ATP8B3: variants seen among roughly 807,000 people sequenced by gnomAD.
ATP8B3 encodes the protein ATPase phospholipid transporting 8B3, also known as phospholipid-transporting ATPase IK.
In ATP8B3, 141 loss-of-function variants were observed where a neutral mutation model predicts 140.9. The ratio of observed to expected loss-of-function variants is 1.00; its 90% CI spans 0.87 to 1.15. ATP8B3 has a LOEUF of 1.15. Ranked by LOEUF, ATP8B3 falls within the 50% of genes most tolerant of loss-of-function variation. The pLI, the probability that ATP8B3 is intolerant of heterozygous loss-of-function variation, is 0.00. For missense variants in ATP8B3, 1,874 were observed against 1,740.6 expected (o/e 1.08, Z -1.36); for synonymous variants, 765 against 714.6 (o/e 1.07, Z -1.13).
intron 4 of ATP8B3, among the ~76,000 whole-genome samples, chr19:1,809,380 C>G (rs2069120769): frequency 1.3e-5 from 2 of 150,714 alleles, no homozygotes; most frequent in Admixed American, 1.3e-4. Context: ...ACTTGGGAGG[C>G]TGAGGCAGGA....
At chr19:1,797,779 C>T (rs889469628) in intron 14 of ATP8B3, among the ~76,000 whole-genome samples, 5 of 151,484 alleles carry the variant, frequency 3.3e-5, no homozygotes, top group East Asian at 3.9e-4. Flanking sequence ...GGATTACAGG[C>T]GTAGCCACCG....
intron 24 of ATP8B3, 64 bp from the exon 25 acceptor site, chr19:1,787,250 G>A: frequency 7.1e-7 from 1 of 1,414,636 alleles, no homozygotes. Flanking sequence ...AGCCTGCCAA[G>A]CAGGCACCCA....
rs2145205951 is a variant in ATP8B3 at position 1,806,318 on chromosome 19, C to T, written c.678-149G>A. On this transcript the variant is annotated intron_variant, in intron 7 of 28. Transcript: ENST00000310127. This position sits in a 1 kb window ranked among gnomAD's most constrained non-coding sequence, Gnocchi z 5.6. ...CCTCAGGAAGCCTTCCCCGGGCTCC[C>T]ACCCCACTCCCCGCGGGTCCACGCT... 4.1e-6 allele frequency: 6 copies of T among 1,478,122 alleles called. No individual in the cohort carries two copies. The highest frequency in any genetic ancestry group is 1.4e-5 in the African/African-American group (1 of 71,692). 91.6% of individuals were successfully genotyped at this position (1,478,122 alleles called of 1,614,324 possible).
At chr19:1,793,961 C>T (rs1348443699) in intron 18 of ATP8B3, among the ~76,000 whole-genome samples, 1 of 152,028 alleles carries the variant, frequency 6.6e-6, no homozygotes, top group East Asian at 1.9e-4. Context: ...AGGCTGGCCT[C>T]GAACTCCTGA....
At chr19:1,809,850 G>T in intron 3 of ATP8B3, 116 bp from the exon 4 acceptor site, 1 of 888,176 alleles carries the variant, frequency 1.1e-6, no homozygotes, top group Non-Finnish European at 1.8e-6. Flanking sequence ...GGAGGCCCGA[G>T]ATGTCAGAGC....
In ATP8B3 at chr19:1,795,940, T is replaced by A. The variant is rs779283602; in HGVS notation, c.1990A>T (p.Thr664Ser). ...CTGTGCAAGCGTTCGAAGATGACCG[T>A]GTCGGCGCCCTTGGTGTACAGGCAG... ...AICLYTKGAD[T>S]VIFERLHRRG... Residue 664 changes from threonine (T) to serine (S), a missense_variant, in exon 18 of 29, where the codon ACG becomes TCG. Thr to Ser is a moderately conservative substitution (Grantham distance 58). Coordinates refer to ENST00000310127, the MANE Select transcript of ATP8B3 (RefSeq NM_138813.4). 1.1e-5 allele frequency: 17 copies of A among 1,613,150 alleles called. No homozygotes were observed. The South Asian group carries it at 1.9e-4, about 18-fold the overall frequency.
chr19:1,785,381 T>C, intron 26 of ATP8B3, 84 bp from the exon 27 acceptor site: 5 of 1,555,594 alleles, frequency 3.2e-6, no homozygotes, highest in South Asian at 1.2e-5. Context: ...GAAGGGCACC[T>C]GGCAATGCCC....
chr19:1,796,291 G>C (rs762998907), intron 16 of ATP8B3, 26 bp from the exon 17 acceptor site: 33 of 1,576,752 alleles, frequency 2.1e-5, no homozygotes, highest in Non-Finnish European at 2.8e-5. Flanking sequence ...GCCATTTTGG[G>C]GTCACGTGGT....
At chr19:1,784,392 G>A (rs918387592) in intron 28 of ATP8B3, among the ~76,000 whole-genome samples, 4 of 152,142 alleles carry the variant, frequency 2.6e-5, no homozygotes, top group Admixed American at 6.5e-5. Flanking sequence ...GTACATGCCC[G>A]TGGTCTCAGC....
rs759113512 is a variant in ATP8B3, at chr19:1,811,563, T to TG, written c.173dup (p.Gly59ArgfsTer6). On this transcript the variant is annotated frameshift_variant, in exon 2 of 29. Transcript: ENST00000310127. LOFTEE classifies it high-confidence loss of function. ...GCCTCCTCTCAGGTGCCCCTCTGCC[T>TG]GGGGAGTCTCCCATCCCAGCTCTGA... 1.2e-6 allele frequency: 2 copies of TG among 1,612,348 alleles called. No homozygotes were observed. The highest frequency in any genetic ancestry group is 1.3e-5 in the African/African-American group (1 of 75,046).
chr19:1,791,993 T>G lies in ATP8B3; in HGVS notation c.2190+8A>C. 7.3e-7 allele frequency: 1 copy of G among 1,376,118 alleles called. No homozygotes were observed. The highest frequency in any genetic ancestry group is 9.7e-7 in the Non-Finnish European group (1 of 1,027,054). 85.2% of individuals were successfully genotyped at this position (1,376,118 alleles called of 1,614,324 possible). A position where few individuals can be genotyped will look rare whatever the true frequency, so the allele number is the denominator to read the frequency against. ...CACCCTGAGGTCCTGCTCCATCTCG[T>G]TGTACACCTGTTGCAGGGCCTGTGC... is the stretch of plus-strand genomic sequence containing the variant. On this transcript the variant is annotated splice_region_variant and intron_variant, in intron 19 of 28. Coordinates refer to ENST00000310127, the MANE Select transcript of ATP8B3 (RefSeq NM_138813.4).
intron 10 of ATP8B3, among the ~76,000 whole-genome samples, chr19:1,803,884 G>A (rs371194836): frequency 5.1e-5 from 7 of 136,392 alleles, no homozygotes; most frequent in South Asian, 2.4e-4. Flanking sequence ...CAACAAGAGC[G>A]AGACTCTGTC....
At chr19:1,791,193 C>A (rs1003679056) in intron 20 of ATP8B3, among the ~76,000 whole-genome samples, 2 of 152,050 alleles carry the variant, frequency 1.3e-5, no homozygotes, top group Middle Eastern at 3.4e-3. Context: ...GGCTCCTGGC[C>A]GACAGAGGGC....
chr19:1,796,864 A>C lies in ATP8B3; in HGVS notation c.1600T>G (p.Trp534Gly). The C allele has an allele frequency of 6.2e-7, 1 of 1,612,154 alleles. No homozygotes were observed. Among genetic ancestry groups the C allele is most frequent in the South Asian group, 1.1e-5 (1 of 91,034 alleles). Reference protein sequence around the residue: ...TTRPKENPYLWNKFADGKLLF... With the variant: ...TTRPKENPYLGNKFADGKLLF... ...AGCTTCCCGTCGGCGAACTTGTTCC[A>C]GAGGTAGGGGTTCTCCTGGGGGTGG... Residue 534 changes from tryptophan to glycine, a missense_variant, in exon 16 of 29, where the codon TGG becomes GGG. By Grantham distance (184) the Trp-to-Gly change is radical. This residue lies in a region of ATP8B3 where 1,032 missense variants were observed against 963.6 expected (regional missense o/e 1.07). Coordinates refer to ENST00000310127, the MANE Select transcript of ATP8B3 (RefSeq NM_138813.4).
chr19:1,800,232 C>T lies in ATP8B3; in HGVS notation c.1343+27G>A. Reference sequence around the variant, plus strand: ...CATGCCTCCCCGTTCCGCGTTTGCACCGGGGACGCAGCCGGCGGAGACTCA... The same window carrying T: ...CATGCCTCCCCGTTCCGCGTTTGCATCGGGGACGCAGCCGGCGGAGACTCA... On this transcript the variant is annotated intron_variant, in intron 13 of 28. Coordinates refer to ENST00000310127, the MANE Select transcript of ATP8B3 (RefSeq NM_138813.4). The surrounding 1 kb of genome is among the most constrained non-coding windows in gnomAD (Gnocchi z 4.4). The T allele has an allele frequency of 2.5e-6, 4 of 1,606,574 alleles. No individual in the cohort carries two copies. The highest frequency in any genetic ancestry group is 3.4e-6 in the Non-Finnish European group (4 of 1,176,180).
intron 23 of ATP8B3, 49 bp from the exon 24 acceptor site, chr19:1,789,169 C>A (rs1188644905): frequency 1.7e-6 from 2 of 1,154,718 alleles, no homozygotes; most frequent in African/African-American, 3.4e-5. Flanking sequence ...CCCAGTCCCG[C>A]CCGCCCCCCC....
At chr19:1,788,619 C>A (rs1017615791) in intron 24 of ATP8B3, among the ~76,000 whole-genome samples, 11 of 152,214 alleles carry the variant, frequency 7.2e-5, no homozygotes, top group Non-Finnish European at 1.0e-4. Flanking sequence ...CATTGCACTC[C>A]AGCCTGGGTG....
At chr19:1,792,191 A>C (rs2286004) in intron 18 of ATP8B3, 56 bp from the exon 19 acceptor site, 460,573 of 1,491,540 alleles carry the variant, frequency 0.31, 72,336 homozygotes, top group East Asian at 0.48. Context: ...TCCGAGGCTC[A>C]GCCCTCCCCA....
intron 14 of ATP8B3, 73 bp downstream of exon 14, chr19:1,799,874 C>T: frequency 7.0e-7 from 1 of 1,427,454 alleles, no homozygotes; most frequent in Non-Finnish European, 9.6e-7. Flanking sequence ...CCAGACGTGG[C>T]TCTGGTTCTC....
Sources: gnomAD v4.1 joint callset for allele counts (sites outside exome capture counted in the v4.1 genomes callset) on GRCh38, gnomAD v4.1.1 for gene constraint, gnomAD v4.1.1 regional missense constraint, Gnocchi (gnomAD v3.1) non-coding constraint, MANE v1.5 for transcripts, NCBI Gene and HGNC (gene_info 2026-07-23, HGNC 2026-07-21) for gene names.